MTUS2: variants seen among roughly 807,000 people sequenced by gnomAD.
MTUS2 encodes microtubule associated scaffold protein 2.
A neutral mutation model predicts 114.1 loss-of-function variants in MTUS2; 40 were observed. That is an observed-to-expected ratio of 0.35 (90% CI 0.27 to 0.46). The LOEUF (loss-of-function observed/expected upper bound fraction) is 0.46, where lower values mean the gene tolerates loss of function less well. Among genes scored for constraint, MTUS2 ranks in the 20% least tolerant of loss-of-function variants. The pLI, the probability that MTUS2 is intolerant of heterozygous loss-of-function variation, is 1.00. For synonymous variants in MTUS2, 688 were observed against 672.0 expected (o/e 1.02, Z -0.37); for missense variants, 1,679 against 1,705.4 (o/e 0.98, Z 0.27).
chr13:29,234,609 A>C (rs1004758136), intron 5 of MTUS2, among the ~76,000 whole-genome samples: 1 of 152,200 alleles, frequency 6.6e-6, no homozygotes, highest in Non-Finnish European at 1.5e-5. Context: ...ACAAACACTT[A>C]GAAAAAAACT....
intron 2 of MTUS2, among the ~76,000 whole-genome samples, chr13:28,908,090 C>G (rs1880161346): frequency 6.6e-6 from 1 of 151,418 alleles, no homozygotes; most frequent in Non-Finnish European, 1.5e-5. Context: ...TCTTGATTCT[C>G]TAGATTTATG....
intron 2 of MTUS2, among the ~76,000 whole-genome samples, chr13:28,873,330 C>T (rs1877736210): frequency 6.6e-6 from 1 of 152,146 alleles, no homozygotes; most frequent in Non-Finnish European, 1.5e-5. Context: ...AGAAGTTAAC[C>T]CACTCTCATC....
At chr13:29,180,581 A>C (rs765411873) in intron 5 of MTUS2, among the ~76,000 whole-genome samples, 1 of 152,226 alleles carries the variant, frequency 6.6e-6, no homozygotes, top group Non-Finnish European at 1.5e-5. Context: ...AGATAAATCT[A>C]TAGCATGTGA....
intron 4 of MTUS2, among the ~76,000 whole-genome samples, chr13:29,092,342 C>T (rs936908670): frequency 6.6e-6 from 1 of 152,004 alleles, no homozygotes; most frequent in Admixed American, 6.5e-5. Flanking sequence ...CTTTTTTTTG[C>T]ATACTAACAA....
At chr13:29,040,536 C>CTTTA (rs1244052356) in intron 4 of MTUS2, among the ~76,000 whole-genome samples, 8 of 152,314 alleles carry the variant, frequency 5.3e-5, no homozygotes, top group African/African-American at 1.9e-4. Context: ...GGAGTCTCCA[C>CTTTA]ACTGCTTTCT....
At chr13:29,239,125 AAAG>A (rs1191461959) in intron 5 of MTUS2, among the ~76,000 whole-genome samples, 1 of 152,180 alleles carries the variant, frequency 6.6e-6, no homozygotes, top group Non-Finnish European at 1.5e-5. Flanking sequence ...GACACACAAA[AAAG>A]GTAGCTGTGT....
intron 4 of MTUS2, among the ~76,000 whole-genome samples, chr13:29,047,820 C>T (rs1363908928): frequency 6.6e-6 from 1 of 152,162 alleles, no homozygotes; most frequent in African/African-American, 2.4e-5. Flanking sequence ...AGAATTTGCC[C>T]TTTCAAAGTG....
chr13:29,330,375 T>C (rs990772247), intron 7 of MTUS2, among the ~76,000 whole-genome samples: 1 of 152,182 alleles, frequency 6.6e-6, no homozygotes, highest in Non-Finnish European at 1.5e-5. Flanking sequence ...TTTTCTCCCA[T>C]TCTGTTGGTT....
At chr13:29,350,823 T>G (rs535893650) in intron 7 of MTUS2, among the ~76,000 whole-genome samples, 10 of 151,366 alleles carry the variant, frequency 6.6e-5, no homozygotes, top group Admixed American at 1.3e-4. Context: ...GTGGGAGAGA[T>G]AGATTATTGC....
At chr13:29,162,783 C>T (rs1893154343) in intron 5 of MTUS2, among the ~76,000 whole-genome samples, 1 of 152,238 alleles carries the variant, frequency 6.6e-6, no homozygotes, top group South Asian at 2.1e-4. Context: ...TGCTTCATTT[C>T]TCGCTTTCTG....
At chr13:29,376,497 CAG>C (rs1871758465) in intron 8 of MTUS2, among the ~76,000 whole-genome samples, 1 of 151,992 alleles carries the variant, frequency 6.6e-6, no homozygotes, top group Non-Finnish European at 1.5e-5. Flanking sequence ...AAAGGGGAGA[CAG>C]AGGAACATAA....
intron 5 of MTUS2, among the ~76,000 whole-genome samples, chr13:29,249,582 A>G: frequency 6.6e-6 from 1 of 151,948 alleles, no homozygotes; most frequent in Admixed American, 6.6e-5. Flanking sequence ...TTTTTTTAAT[A>G]TGTTTGTTGG....
intron 4 of MTUS2, among the ~76,000 whole-genome samples, chr13:29,045,589 T>C (rs1480062723): frequency 1.3e-5 from 2 of 152,106 alleles, no homozygotes; most frequent in East Asian, 3.9e-4. Context: ...CAGGTGGAGG[T>C]GGATTTCAAG....
intron 2 of MTUS2, among the ~76,000 whole-genome samples, chr13:28,902,676 AGT>A (rs1233087939): frequency 6.6e-6 from 1 of 152,102 alleles, no homozygotes; most frequent in Non-Finnish European, 1.5e-5. Context: ...GATTAATCCT[AGT>A]GTGTGTAATT....
intron 5 of MTUS2, among the ~76,000 whole-genome samples, chr13:29,233,012 C>T (rs1441357059): frequency 3.9e-5 from 6 of 152,116 alleles, no homozygotes; most frequent in African/African-American, 1.4e-4. Flanking sequence ...TGGGCCTGGA[C>T]ATTAACAAAA....
intron 5 of MTUS2, among the ~76,000 whole-genome samples, chr13:29,144,816 A>G (rs902787439): frequency 1.3e-5 from 2 of 152,212 alleles, no homozygotes; most frequent in African/African-American, 4.8e-5. Context: ...AATAAGTCAC[A>G]GGTTCCACCT....
intron 5 of MTUS2, among the ~76,000 whole-genome samples, chr13:29,224,953 G>A (rs1000727457): frequency 3.9e-5 from 6 of 152,216 alleles, no homozygotes; most frequent in Non-Finnish European, 8.8e-5. Context: ...CCAGGGTTTA[G>A]TGGGAGTTGA....
chr13:29,168,723 C>T (rs1025353888), intron 5 of MTUS2, among the ~76,000 whole-genome samples: 1 of 152,112 alleles, frequency 6.6e-6, no homozygotes, highest in African/African-American at 2.4e-5. Context: ...CAAATTTGCC[C>T]CTTCTTTATT....
chr13:29,148,565 G>A lies in MTUS2; in HGVS notation c.2644+47595G>A, dbSNP rs557888884. Among the ~76,000 whole-genome samples the A allele has an allele frequency of 4.0e-4, 41 of 103,220 alleles. 4 individuals are homozygous for A. Among genetic ancestry groups the A allele is most frequent in the East Asian group, 9.6e-4 (3 of 3,120 alleles). The allele number at this position is 103,220 out of a possible 152,430, so 67.7% of individuals were successfully genotyped here. On this transcript the variant is annotated intron_variant, in intron 5 of 15. Coordinates refer to ENST00000612955, the MANE Select transcript of MTUS2 (RefSeq NM_001033602.4). ...GGGACCTCGGCTCACTGCAAGCTCC[G>A]CCTCCCGGGTTCACGCCATTCTCCT... is the stretch of plus-strand genomic sequence containing the variant.
Sources: gnomAD v4.1 joint callset for allele counts (sites outside exome capture counted in the v4.1 genomes callset) on GRCh38, gnomAD v4.1.1 for gene constraint, MANE v1.5 for transcripts, NCBI Gene and HGNC (gene_info 2026-07-23, HGNC 2026-07-21) for gene names.